PKP2: variants seen among roughly 807,000 people sequenced by gnomAD.
PKP2 encodes plakophilin 2.
In PKP2, 73 loss-of-function variants were observed where a neutral mutation model predicts 83.4. The observed-to-expected ratio is 0.88, with a 90% CI of 0.72 to 1.06. The LOEUF (loss-of-function observed/expected upper bound fraction) is 1.06. Ranked by LOEUF, PKP2 falls within the 50% of genes least tolerant of loss-of-function variation. PKP2 has a pLI of 0.00. For synonymous variants in PKP2, 409 were observed against 430.4 expected (o/e 0.95, Z 0.62); for missense variants, 966 against 1,065.4 (o/e 0.91, Z 1.30).
At chr12:32,812,913 T>C (rs1592733865) in intron 9 of PKP2, among the ~76,000 whole-genome samples, 1 of 152,250 alleles carries the variant, frequency 6.6e-6, no homozygotes, top group African/African-American at 2.4e-5. Flanking sequence ...GTCAAATCCA[T>C]GTTAACTTGA....
chr12:32,812,610 C>G (rs1470374789), intron 9 of PKP2, among the ~76,000 whole-genome samples: 1 of 152,130 alleles, frequency 6.6e-6, no homozygotes, highest in Non-Finnish European at 1.5e-5. Flanking sequence ...TCAAGCAATT[C>G]TCCTGCCTCA....
intron 5 of PKP2, among the ~76,000 whole-genome samples, chr12:32,842,069 T>C (rs1221379991): frequency 2.6e-5 from 4 of 152,196 alleles, no homozygotes; most frequent in Non-Finnish European, 5.9e-5. Context: ...TACTGTGACA[T>C]ACAGACTGAG....
In PKP2 at chr12:32,843,384, C is replaced by G. The variant is rs201328837; in HGVS notation, c.1379-2179G>C. On this transcript the variant is annotated intron_variant, in intron 5 of 12. Transcript: ENST00000340811. ...TTATGAACACAGCAAATGTGGCAGA[C>G]TTGGCTGAACTATGTGGCAAACATC... is the stretch of plus-strand genomic sequence containing the variant. 3.7e-3 allele frequency: 4,417 copies of G among 1,191,824 alleles called. 7 individuals are homozygous for G. The highest frequency in any genetic ancestry group is 4.8e-3 in the Non-Finnish European group (4,136 of 868,892). 73.8% of individuals were successfully genotyped at this position (1,191,824 alleles called of 1,614,324 possible). A position where few individuals can be genotyped will look rare whatever the true frequency, so the allele number is the denominator to read the frequency against.
intron 3 of PKP2, among the ~76,000 whole-genome samples, chr12:32,870,389 A>G (rs1327786010): frequency 6.6e-6 from 1 of 152,170 alleles, no homozygotes; most frequent in Non-Finnish European, 1.5e-5. Flanking sequence ...CACGTGTTCA[A>G]ACACAGAAGG....
rs569640354 is a variant in PKP2, at chr12:32,839,101, A to G, written c.1556+1927T>C. Among the ~76,000 whole-genome samples the G allele has an allele frequency of 3.3e-5, 5 of 152,286 alleles. No homozygotes were observed. In the South Asian group the frequency reaches 1.0e-3, roughly 32 times the overall value. On this transcript the variant is annotated intron_variant, in intron 6 of 12. Transcript: ENST00000340811. ...GTGTGAAGTATATCTGTGGGAAAAA[A>G]GGTGGTAATGAAGGTTGTGGATAGA...
chr12:32,862,079 T>C (rs1386726329), intron 4 of PKP2, among the ~76,000 whole-genome samples: 1 of 152,028 alleles, frequency 6.6e-6, no homozygotes, highest in East Asian at 1.9e-4. Context: ...GTATTTTTAG[T>C]AGAGACAGGG....
intron 10 of PKP2, among the ~76,000 whole-genome samples, chr12:32,800,428 C>G: frequency 6.6e-6 from 1 of 152,148 alleles, no homozygotes; most frequent in South Asian, 2.1e-4. Context: ...TAAGACATAC[C>G]TTTTGCTCAC....
chr12:32,792,249 G>C lies in PKP2; in HGVS notation c.*175C>G. ...TATCTACTGGTGGCAAACTTGCAAAGGTCTTCTGGAAGACTCATAAAATTA... is the reference window on the plus strand; with the variant it reads ...TATCTACTGGTGGCAAACTTGCAAACGTCTTCTGGAAGACTCATAAAATTA... On this transcript the variant is annotated 3_prime_UTR_variant, in exon 13 of 13. Coordinates refer to ENST00000340811, the MANE Select transcript of PKP2 (RefSeq NM_001005242.3). The C allele has an allele frequency of 1.5e-6, 1 of 661,528 alleles. No individual in the cohort carries two copies. Among genetic ancestry groups the C allele is most frequent in the Non-Finnish European group, 2.7e-6 (1 of 363,788 alleles). The allele number at this position is 661,528 out of a possible 1,614,324, so 41.0% of individuals were successfully genotyped here.
At chr12:32,880,129 G>C (rs192344829) in intron 1 of PKP2, among the ~76,000 whole-genome samples, 1 of 151,378 alleles carries the variant, frequency 6.6e-6, no homozygotes, top group Non-Finnish European at 1.5e-5. Context: ...TAGGCCGGGC[G>C]TGGTGGCTCA....
chr12:32,851,835 A>T (rs1301714244), intron 4 of PKP2, among the ~76,000 whole-genome samples: 1 of 152,236 alleles, frequency 6.6e-6, no homozygotes, highest in African/African-American at 2.4e-5. Flanking sequence ...TTATGCAAGC[A>T]CTTTAAGCAG....
At position 32,822,822 on chromosome 12, in the gene PKP2, T is replaced by C. The variant is rs578007142; in HGVS notation, c.1675-191A>G. ...TAAGGTTTTCATGAACAGTCAGGAGTACAATGCTAAGAAGTAGAGGCTGAG... is the reference window on the plus strand; with the variant it reads ...TAAGGTTTTCATGAACAGTCAGGAGCACAATGCTAAGAAGTAGAGGCTGAG... On this transcript the variant is annotated intron_variant, in intron 7 of 12. Transcript: ENST00000340811. Among the ~76,000 whole-genome samples the C allele has an allele frequency of 2.0e-5, 3 of 152,122 alleles. No individual in the cohort carries two copies. The East Asian group carries it at 5.8e-4, about 29-fold the overall frequency.
At chr12:32,834,976 C>CGTGTGTGTGTGTGTGTGTGT (rs10629969) in intron 6 of PKP2, among the ~76,000 whole-genome samples, 4 of 119,438 alleles carry the variant, frequency 3.3e-5, no homozygotes, top group African/African-American at 9.3e-5. Flanking sequence ...TCACAATAGG[C>CGTGTGTGTGTGTGTGTGTGT]GTGTGTGTGT....
intron 10 of PKP2, among the ~76,000 whole-genome samples, chr12:32,797,473 T>C (rs1360645951): frequency 9.3e-6 from 1 of 107,870 alleles, no homozygotes; most frequent in African/African-American, 3.1e-5. Flanking sequence ...GAATACATAC[T>C]ATTACCAAAA....
At chr12:32,809,869 C>T (rs1356564847) in intron 9 of PKP2, among the ~76,000 whole-genome samples, 1 of 152,144 alleles carries the variant, frequency 6.6e-6, no homozygotes, top group Non-Finnish European at 1.5e-5. Flanking sequence ...ACCCACTCTG[C>T]TTTTCTTTAT....
intron 4 of PKP2, chr12:32,863,494 T>G (rs1956820052): frequency 5.6e-6 from 1 of 179,830 alleles, no homozygotes; most frequent in Non-Finnish European, 1.1e-5. Flanking sequence ...AAAATAAAAA[T>G]TTTCAGGTAA....
chr12:32,845,022 G>A (rs927426457), intron 5 of PKP2, among the ~76,000 whole-genome samples: 1 of 152,074 alleles, frequency 6.6e-6, no homozygotes, highest in East Asian at 1.9e-4. Context: ...GTGTCTTAAT[G>A]TCTACTAGTA....
At chr12:32,887,704 G>A (rs1027894281) in intron 1 of PKP2, among the ~76,000 whole-genome samples, 2 of 152,120 alleles carry the variant, frequency 1.3e-5, no homozygotes, top group African/African-American at 2.4e-5. Flanking sequence ...TACCCGCCTC[G>A]GGCTCCCAAA....
chr12:32,865,933 A>G (rs1956844909), intron 4 of PKP2, among the ~76,000 whole-genome samples: 1 of 152,142 alleles, frequency 6.6e-6, no homozygotes, highest in African/African-American at 2.4e-5. Flanking sequence ...AACATTTACA[A>G]AACTTCTAGG....
chr12:32,893,477 C>T (rs1295686377), intron 1 of PKP2: 3 of 152,174 alleles, frequency 2.0e-5, no homozygotes, highest in Non-Finnish European at 4.4e-5. Flanking sequence ...ACGAACCACC[C>T]CTGGTAATTG....
Sources: allele counts gnomAD v4.1 joint callset (sites outside exome capture counted in the v4.1 genomes callset), GRCh38; gene constraint gnomAD v4.1.1; transcripts MANE v1.5; gene names NCBI Gene and HGNC (gene_info 2026-07-23, HGNC 2026-07-21).